LRRC8C: variants seen among roughly 807,000 people sequenced by gnomAD.
The protein encoded by LRRC8C is leucine rich repeat containing 8 VRAC subunit C.
LRRC8C carries 20 observed loss-of-function variants against 55.3 expected under a neutral mutation model. The ratio of observed to expected loss-of-function variants is 0.36; its 90% CI spans 0.25 to 0.53. LRRC8C has a LOEUF of 0.53. Among genes scored for constraint, LRRC8C ranks in the 20% least tolerant of loss-of-function variants. The pLI is 0.92. For synonymous variants in LRRC8C, 376 were observed against 360.7 expected (o/e 1.04, Z -0.48); for missense variants, 659 against 951.4 (o/e 0.69, Z 4.04).
chr1:89,695,218 G>A (rs895593558), intron 2 of LRRC8C, among the ~76,000 whole-genome samples: 9 of 152,096 alleles, frequency 5.9e-5, no homozygotes, highest in Non-Finnish European at 8.8e-5. Flanking sequence ...CACCGCGCCC[G>A]GCCCTATATA....
chr1:89,679,839 A>C (rs1657648743), intron 1 of LRRC8C, among the ~76,000 whole-genome samples: 1 of 152,214 alleles, frequency 6.6e-6, no homozygotes, highest in Admixed American at 6.5e-5. Context: ...AACAAATGTT[A>C]ACTCTACCCA....
At chr1:89,698,581 A>C (rs1046671788) in intron 2 of LRRC8C, among the ~76,000 whole-genome samples, 3 of 152,090 alleles carry the variant, frequency 2.0e-5, no homozygotes, top group Admixed American at 2.0e-4. Flanking sequence ...CTAGCCTTTA[A>C]TTATGTATTA....
chr1:89,659,233 A>G (rs985928915), intron 1 of LRRC8C, among the ~76,000 whole-genome samples: 8 of 152,074 alleles, frequency 5.3e-5, no homozygotes, highest in Non-Finnish European at 1.0e-4. Flanking sequence ...TTTATGAAAC[A>G]CTTCTGTAAA....
chr1:89,618,590 G>C, the LRRC8C span, among the ~76,000 whole-genome samples: 4 of 152,178 alleles, frequency 2.6e-5, no homozygotes, highest in African/African-American at 4.8e-5. Flanking sequence ...AAAGTGATGA[G>C]AGCAAAACTA....
intron 2 of LRRC8C, among the ~76,000 whole-genome samples, chr1:89,690,690 C>G (rs1378433640): frequency 6.6e-6 from 1 of 152,168 alleles, no homozygotes; most frequent in Non-Finnish European, 1.5e-5. Flanking sequence ...GGAGGGAATT[C>G]AAGCACAAGC....
At chr1:89,620,579 CAAAAA>C in the LRRC8C span, among the ~76,000 whole-genome samples, 4,280 of 137,050 alleles carry the variant, frequency 0.031, 187 homozygotes, top group African/African-American at 0.11. Flanking sequence ...GATGATTTTT[CAAAAA>C]AAAAAAAAAA....
the LRRC8C span, among the ~76,000 whole-genome samples, chr1:89,627,870 G>C: frequency 6.6e-6 from 1 of 152,304 alleles, no homozygotes; most frequent in South Asian, 2.1e-4. Context: ...TCCCAAATCT[G>C]AGGTGCTCCA....
chr1:89,714,349 G>A lies in LRRC8C; in HGVS notation c.1779G>A (p.Glu593=). ...NNLKKMTNLT[E]LELVHCDLER... Reference sequence around the variant, plus strand: ...TAAAGAAGATGACCAATCTGACAGAGCTGGAGCTGGTCCACTGTGACCTGG... The same window carrying A: ...TAAAGAAGATGACCAATCTGACAGAACTGGAGCTGGTCCACTGTGACCTGG... Residue 593 remains glutamate (E), a synonymous_variant, in exon 3 of 3, where the codon GAG becomes GAA. Coordinates refer to ENST00000370454, the MANE Select transcript of LRRC8C (RefSeq NM_032270.5). The surrounding 1 kb of genome is among the most constrained non-coding windows in gnomAD (Gnocchi z 4.6). 1 of 1,614,190 alleles carries A rather than the reference G, an allele frequency of 6.2e-7. No homozygotes were observed. Among genetic ancestry groups the A allele is most frequent in the East Asian group, 2.2e-5 (1 of 44,888 alleles).
At chr1:89,692,015 A>G (rs564953053) in intron 2 of LRRC8C, among the ~76,000 whole-genome samples, 62 of 152,160 alleles carry the variant, frequency 4.1e-4, no homozygotes, top group Non-Finnish European at 6.9e-4. Context: ...TATCAAAGTA[A>G]AACTACCTAG....
the LRRC8C span, chr1:89,625,263 C>A: frequency 6.6e-6 from 1 of 152,132 alleles, no homozygotes; most frequent in African/African-American, 2.4e-5. Context: ...TCACACCAAA[C>A]AAGCCCTAAG....
chr1:89,624,123 A>G, the LRRC8C span, among the ~76,000 whole-genome samples: 3 of 152,362 alleles, frequency 2.0e-5, no homozygotes, highest in East Asian at 5.8e-4. Flanking sequence ...ATTGTGTTAT[A>G]GGAGAGAAAT....
chr1:89,707,967 C>T (rs1417598440), intron 2 of LRRC8C, among the ~76,000 whole-genome samples: 1 of 152,018 alleles, frequency 6.6e-6, no homozygotes, highest in South Asian at 2.1e-4. Context: ...ATTTTCCTTT[C>T]CATAAATGAT....
chr1:89,623,183 T>TGC, the LRRC8C span, among the ~76,000 whole-genome samples: 1,822 of 136,862 alleles, frequency 0.013, 44 homozygotes, highest in African/African-American at 0.05. Flanking sequence ...CACACACACA[T>TGC]GCGCACACAC....
chr1:89,624,493 A>T, the LRRC8C span, among the ~76,000 whole-genome samples: 1 of 152,252 alleles, frequency 6.6e-6, no homozygotes. Context: ...TGTAACAGCC[A>T]GGGAACTATT....
At chr1:89,651,395 T>C (rs538746523) in intron 1 of LRRC8C, among the ~76,000 whole-genome samples, 19 of 152,040 alleles carry the variant, frequency 1.2e-4, no homozygotes, top group Non-Finnish European at 2.4e-4. Flanking sequence ...GGTGAAACCC[T>C]GTCTCTGCTG....
chr1:89,704,582 G>A (rs1305593887), intron 2 of LRRC8C, among the ~76,000 whole-genome samples: 6 of 152,100 alleles, frequency 3.9e-5, no homozygotes, highest in African/African-American at 1.5e-4. Flanking sequence ...AACTTATCAG[G>A]GCTCATGAAG....
intron 1 of LRRC8C, among the ~76,000 whole-genome samples, chr1:89,666,056 T>C (rs1235646426): frequency 6.6e-6 from 1 of 152,104 alleles, no homozygotes; most frequent in Non-Finnish European, 1.5e-5. Context: ...CCGTCTAGGA[T>C]TGTATAAGTA....
chr1:89,650,593 C>T (rs1656736440), intron 1 of LRRC8C, among the ~76,000 whole-genome samples: 1 of 152,094 alleles, frequency 6.6e-6, no homozygotes, highest in African/African-American at 2.4e-5. Flanking sequence ...TCTACCTTTC[C>T]CTCACTTCCA....
chr1:89,647,009 A>G (rs1006982043), intron 1 of LRRC8C, among the ~76,000 whole-genome samples: 1 of 147,002 alleles, frequency 6.8e-6, no homozygotes, highest in East Asian at 2.1e-4. Context: ...GATTTTACTT[A>G]CTCTGAAAGG....
Sources: gnomAD v4.1 joint callset for allele counts (sites outside exome capture counted in the v4.1 genomes callset) on GRCh38, gnomAD v4.1.1 for gene constraint, Gnocchi (gnomAD v3.1) non-coding constraint, MANE v1.5 for transcripts, NCBI Gene and HGNC (gene_info 2026-07-23, HGNC 2026-07-21) for gene names.